The following PTPRR variants were observed in gnomAD, a reference collection of about 807,000 sequenced individuals.
PTPRR encodes the protein receptor-type tyrosine-protein phosphatase R.
Under a neutral mutation model 77.2 loss-of-function variants are expected in PTPRR, and 38 were observed. That is an observed-to-expected ratio of 0.49 (90% CI 0.38 to 0.65). PTPRR has a LOEUF of 0.65. PTPRR is among the 30% of genes least tolerant of loss of function. The pLI is 0.00. For synonymous variants in PTPRR, 299 were observed against 283.1 expected, an observed-to-expected ratio of 1.06 and a Z score of -0.57; for missense variants, 744 against 799.2, an observed-to-expected ratio of 0.93 and a Z score of 0.83.
chr12:70,800,400 T>C (rs1891594896), intron 2 of PTPRR, among the ~76,000 whole-genome samples: 1 of 151,766 alleles, frequency 6.6e-6, no homozygotes, highest in South Asian at 2.1e-4. Flanking sequence ...CAAAAAAGGA[T>C]GGGGCTAAGA....
At chr12:70,643,391 T>G (rs1886081187) in intron 13 of PTPRR, among the ~76,000 whole-genome samples, 1 of 152,022 alleles carries the variant, frequency 6.6e-6, no homozygotes, top group Admixed American at 6.6e-5. Context: ...CCCAAGCTGG[T>G]CTTGAACTCC....
Position 70,761,579 on chromosome 12 carries a change from T to G in PTPRR, c.519A>C (p.Lys173Asn). The change falls in exon 4 of 14, where the codon AAA becomes AAC. Residue 173 changes from lysine (K) to asparagine (N), a missense_variant. Transcript: ENST00000283228. ...IELFVSPINR[K>N]TGISDALPSE... is the part of the protein sequence containing the mutation. ...AGGGCAGAGCATCAGAAATTCCTGT[T>G]TTTCGGTTTATGGGAGACACAAACA... 1 of 1,612,086 alleles carries G rather than the reference T, an allele frequency of 6.2e-7. No individual in the cohort carries two copies. Among genetic ancestry groups the G allele is most frequent in the African/African-American group, 1.3e-5 (1 of 75,008 alleles).
chr12:70,678,323 G>A, intron 10 of PTPRR, among the ~76,000 whole-genome samples: 1 of 152,122 alleles, frequency 6.6e-6, no homozygotes, highest in East Asian at 1.9e-4. Flanking sequence ...TTACAGGCGT[G>A]AGCCACAGCA....
intron 10 of PTPRR, among the ~76,000 whole-genome samples, chr12:70,669,342 GAAGTCAAGCTCTC>G (rs1887124426): frequency 6.6e-6 from 1 of 151,918 alleles, no homozygotes; most frequent in Non-Finnish European, 1.5e-5. Context: ...CAGAAGTCCT[GAAGTCAAGCTCTC>G]ACTTACTCCC....
At chr12:70,803,479 C>T (rs1040329353) in intron 2 of PTPRR, among the ~76,000 whole-genome samples, 1 of 152,088 alleles carries the variant, frequency 6.6e-6, no homozygotes, top group Non-Finnish European at 1.5e-5. Flanking sequence ...AAGAGGCCAA[C>T]AAGTACTTCA....
At chr12:70,780,928 C>A (rs1224882156) in intron 2 of PTPRR, among the ~76,000 whole-genome samples, 1 of 152,152 alleles carries the variant, frequency 6.6e-6, no homozygotes, top group Non-Finnish European at 1.5e-5. Context: ...CTGGTCTGTT[C>A]TTTGCAAGTG....
At chr12:70,854,464 A>G (rs1026914095) in intron 2 of PTPRR, among the ~76,000 whole-genome samples, 10 of 152,212 alleles carry the variant, frequency 6.6e-5, no homozygotes, top group Non-Finnish European at 1.0e-4. Flanking sequence ...AGGCTCTCAG[A>G]GTCTTCTGTG....
chr12:70,848,684 A>G (rs1592791260), intron 2 of PTPRR, among the ~76,000 whole-genome samples: 1 of 152,202 alleles, frequency 6.6e-6, no homozygotes, highest in African/African-American at 2.4e-5. Flanking sequence ...TTAAGAATGC[A>G]GATGTACTTT....
chr12:70,682,929 C>CAGA (rs1249895763), intron 10 of PTPRR, among the ~76,000 whole-genome samples: 1 of 151,464 alleles, frequency 6.6e-6, no homozygotes, highest in Non-Finnish European at 1.5e-5. Flanking sequence ...GCTATTTTTC[C>CAGA]AGAATATAGT....
chr12:70,737,036 T>TGCCACTTCGCTGGAGCA (rs1477987928), intron 6 of PTPRR, among the ~76,000 whole-genome samples: 2 of 152,210 alleles, frequency 1.3e-5, no homozygotes, highest in Non-Finnish European at 2.9e-5. Context: ...GGTGCCCAGC[T>TGCCACTTCGCTGGAGCA]GCCACTTCGC....
chr12:70,704,104 C>T (rs991561904), intron 6 of PTPRR, among the ~76,000 whole-genome samples: 7 of 151,942 alleles, frequency 4.6e-5, no homozygotes, highest in South Asian at 2.1e-4. Flanking sequence ...AAGCAACAGT[C>T]ATAGACACTA....
At chr12:70,726,567 A>G (rs1324056900) in intron 6 of PTPRR, among the ~76,000 whole-genome samples, 1 of 139,938 alleles carries the variant, frequency 7.1e-6, no homozygotes. Context: ...TCATCATGGG[A>G]TAGTCTGCAT....
chr12:70,642,011 T>C (rs1388960599), intron 13 of PTPRR, among the ~76,000 whole-genome samples: 1 of 152,186 alleles, frequency 6.6e-6, no homozygotes, highest in East Asian at 1.9e-4. Context: ...CTCCCTCTTC[T>C]ACAGGCTATT....
intron 6 of PTPRR, among the ~76,000 whole-genome samples, chr12:70,723,821 G>C (rs1889342649): frequency 6.6e-6 from 1 of 152,008 alleles, no homozygotes. Context: ...TTTGCTTTTA[G>C]TGTGAATCTG....
intron 2 of PTPRR, among the ~76,000 whole-genome samples, chr12:70,863,587 C>T (rs1190171392): frequency 1.3e-5 from 2 of 151,742 alleles, no homozygotes; most frequent in African/African-American, 2.4e-5. Flanking sequence ...ATTTAGCAAG[C>T]TGATTCCTAA....
chr12:70,669,702 C>G (rs1300795348), intron 10 of PTPRR, among the ~76,000 whole-genome samples: 3 of 151,918 alleles, frequency 2.0e-5, no homozygotes, highest in African/African-American at 7.3e-5. Flanking sequence ...GTAGCTGGGG[C>G]TACATTTGTA....
At chr12:70,878,750 G>A (rs1459425124) in intron 2 of PTPRR, among the ~76,000 whole-genome samples, 2 of 152,068 alleles carry the variant, frequency 1.3e-5, no homozygotes, top group African/African-American at 4.8e-5. Flanking sequence ...CCCATTACTG[G>A]GTATATACCC....
chr12:70,735,911 C>T (rs1349483177), intron 6 of PTPRR, among the ~76,000 whole-genome samples: 1 of 152,178 alleles, frequency 6.6e-6, no homozygotes, highest in Non-Finnish European at 1.5e-5. Context: ...GCAGCACGGG[C>T]AGCAGCTTAG....
At chr12:70,694,519 G>A (rs1468603947) in intron 8 of PTPRR, among the ~76,000 whole-genome samples, 1 of 152,116 alleles carries the variant, frequency 6.6e-6, no homozygotes, top group African/African-American at 2.4e-5. Flanking sequence ...GGATGCAGCT[G>A]GAGGCCATTA....
Sources: allele counts gnomAD v4.1 joint callset (sites outside exome capture counted in the v4.1 genomes callset), GRCh38; gene constraint gnomAD v4.1.1; transcripts MANE v1.5; gene names NCBI Gene and HGNC (gene_info 2026-07-23, HGNC 2026-07-21).